Variants in RUNX1 observed in about 807,000 individuals in gnomAD.
RUNX1 encodes the protein RUNX family transcription factor 1, also known as runt-related transcription factor 1.
In RUNX1, 19 loss-of-function variants were observed where a neutral mutation model predicts 42.8. The ratio of observed to expected loss-of-function variants is 0.44; its 90% CI spans 0.31 to 0.65. The LOEUF is 0.65. Ranked by LOEUF, RUNX1 falls within the 30% of genes least tolerant of loss-of-function variation. The probability of loss-of-function intolerance (pLI) is 0.07; values close to 1 mark genes in which losing one functional copy is unlikely to be tolerated. For missense variants in RUNX1, 528 were observed against 672.0 expected, an observed-to-expected ratio of 0.79 and a Z score of 2.37; for synonymous variants, 271 against 289.4, an observed-to-expected ratio of 0.94 and a Z score of 0.64.
chr21:35,048,822 C>A lies in RUNX1; in HGVS notation c.58+20G>T, dbSNP rs374862060. 1 of 1,606,518 alleles carries A rather than the reference C, an allele frequency of 6.2e-7. No individual in the cohort carries two copies. The highest frequency in any genetic ancestry group is 1.3e-5 in the African/African-American group (1 of 74,760). ...CAAAGCTGAGCAAAAGTAGATATTA[C>A]AAGACCAGCATGTACTCACCTCTCA... On this transcript the variant is annotated intron_variant, in intron 2 of 8. Coordinates refer to ENST00000675419, the MANE Select transcript of RUNX1 (RefSeq NM_001754.5).
At chr21:34,810,141 C>T (rs1350069506) in intron 7 of RUNX1, among the ~76,000 whole-genome samples, 2 of 152,244 alleles carry the variant, frequency 1.3e-5, no homozygotes, top group African/African-American at 2.4e-5. Flanking sequence ...AACCCAACCA[C>T]GGGTTTCTCA....
At chr21:35,040,999 A>C (rs1405122019) in intron 2 of RUNX1, among the ~76,000 whole-genome samples, 5 of 152,170 alleles carry the variant, frequency 3.3e-5, no homozygotes. Flanking sequence ...AGCACATGAG[A>C]GCTGATCAAG....
At chr21:34,969,503 G>C (rs941430598) in intron 2 of RUNX1, among the ~76,000 whole-genome samples, 2 of 152,134 alleles carry the variant, frequency 1.3e-5, no homozygotes, top group Non-Finnish European at 2.9e-5. Flanking sequence ...GAACTTTATT[G>C]CTCAGTTTCT....
intron 2 of RUNX1, among the ~76,000 whole-genome samples, chr21:34,910,393 T>C (rs1280981465): frequency 1.4e-5 from 2 of 147,370 alleles, no homozygotes; most frequent in Non-Finnish European, 3.0e-5. Flanking sequence ...GTTTTTTTTT[T>C]TTCTGGTACA....
rs749087000 is a variant in RUNX1 at position 34,792,915 on chromosome 21, G to T, written c.968-305C>A. On this transcript the variant is annotated intron_variant, in intron 8 of 8. Transcript: ENST00000675419. This position sits in a 1 kb window ranked among gnomAD's most constrained non-coding sequence, Gnocchi z 6.9. ...GGACTACCCATGATGCTATGCCCAG[G>T]AGGTCGGGGACCACTCAGGATGCCA... Among the ~76,000 whole-genome samples, 28 of 151,698 alleles carry T rather than the reference G, an allele frequency of 1.8e-4. No homozygotes were observed. Among genetic ancestry groups the T allele is most frequent in the Non-Finnish European group, 4.1e-4 (28 of 67,912 alleles).
rs1290544832 is a variant in RUNX1, at chr21:34,928,596, G to A, written c.59-35633C>T. On this transcript the variant is annotated intron_variant, in intron 2 of 8. Coordinates refer to ENST00000675419, the MANE Select transcript of RUNX1 (RefSeq NM_001754.5). ...GTAAGGAGGCTGAGGCAGGAGAATC[G>A]CTTGTAACCAGAGGTGGAGGTTGCA... 2.0e-5 allele frequency among the ~76,000 whole-genome samples: 3 copies of A among 151,646 alleles called. No individual in the cohort carries two copies. In the South Asian group the frequency reaches 6.2e-4, roughly 32 times the overall value.
chr21:34,921,057 C>A (rs555902440), intron 2 of RUNX1, among the ~76,000 whole-genome samples: 1 of 152,120 alleles, frequency 6.6e-6, no homozygotes, highest in South Asian at 2.1e-4. Flanking sequence ...CGGGGTTTCA[C>A]CATGTTGGCC....
intron 6 of RUNX1, among the ~76,000 whole-genome samples, chr21:34,841,772 T>C (rs1439440071): frequency 6.6e-6 from 1 of 152,192 alleles, no homozygotes; most frequent in East Asian, 1.9e-4. Context: ...TGTCATCTTC[T>C]CCCTGAGGAG....
At chr21:34,948,613 C>A (rs975434466) in intron 2 of RUNX1, among the ~76,000 whole-genome samples, 27 of 152,160 alleles carry the variant, frequency 1.8e-4, no homozygotes, top group Admixed American at 1.8e-3. Flanking sequence ...CTACCCTTCC[C>A]TAATTTCCTA....
chr21:34,930,297 A>ATATATATATGT (rs1569110430), intron 2 of RUNX1, among the ~76,000 whole-genome samples: 14 of 131,038 alleles, frequency 1.1e-4, no homozygotes, highest in African/African-American at 5.1e-4. Context: ...TATATAAATA[A>ATATATATATGT]ATAAATAAAA....
Position 35,020,227 on chromosome 21 carries a change from C to A in RUNX1, c.58+28615G>T, listed in dbSNP as rs568883369. On this transcript the variant is annotated intron_variant, in intron 2 of 8. Transcript: ENST00000675419. ...ATAGAAAGTTTTCATTAGTTCCTCC[C>A]CGACCTTACTTTCCAGAGGACCTGG... is the stretch of plus-strand genomic sequence containing the variant. 2.6e-5 allele frequency among the ~76,000 whole-genome samples: 4 copies of A among 152,108 alleles called. No individual in the cohort carries two copies. The South Asian group carries it at 8.3e-4, about 32-fold the overall frequency.
rs190443104 is a variant in RUNX1 at position 34,918,534 on chromosome 21, T to C, written c.59-25571A>G. 1.8e-3 allele frequency among the ~76,000 whole-genome samples: 269 copies of C among 152,264 alleles called. 2 individuals carry two copies. Among genetic ancestry groups the C allele is most frequent in the Middle Eastern group, 0.014 (4 of 294 alleles). On this transcript the variant is annotated intron_variant, in intron 2 of 8. Transcript: ENST00000675419. ...GCCATGGATGCCCTTGATTTTATTC[T>C]TTGTTAGGAAGGAATATCATGGCTT...
At chr21:34,841,362 T>C (rs963807369) in intron 6 of RUNX1, among the ~76,000 whole-genome samples, 7 of 152,144 alleles carry the variant, frequency 4.6e-5, no homozygotes, top group Non-Finnish European at 8.8e-5. Context: ...CCAGCAGGAA[T>C]AGCAGAGCCT....
At chr21:34,870,317 A>G (rs936980855) in intron 5 of RUNX1, among the ~76,000 whole-genome samples, 2 of 152,332 alleles carry the variant, frequency 1.3e-5, no homozygotes, top group African/African-American at 4.8e-5. Flanking sequence ...ATCAATCCTC[A>G]TTGTCCCTCT....
chr21:34,988,754 C>T (rs868444817), intron 2 of RUNX1, among the ~76,000 whole-genome samples: 4 of 152,172 alleles, frequency 2.6e-5, no homozygotes. Flanking sequence ...TGGTCTCCTC[C>T]GGCACCCATA....
At chr21:34,839,602 A>G (rs2057201991) in intron 6 of RUNX1, among the ~76,000 whole-genome samples, 1 of 152,176 alleles carries the variant, frequency 6.6e-6, no homozygotes. Context: ...AGACAGCCCC[A>G]GCCACACTGT....
At position 34,787,847 on chromosome 21, in the gene RUNX1, T is replaced by C. The variant is rs1568996614; in HGVS notation, c.*4288A>G. The stretch of plus-strand genomic sequence containing the variant: ...ACTGTTTATTTGCCATTCACACTGA[T>C]TGTAACACTGGATTTACAGAAGAAA... On this transcript the variant is annotated 3_prime_UTR_variant, in exon 9 of 9. Coordinates refer to ENST00000675419, the MANE Select transcript of RUNX1 (RefSeq NM_001754.5). The C allele has an allele frequency of 4.3e-6, 1 of 233,130 alleles. No individual in the cohort carries two copies. The highest frequency in any genetic ancestry group is 6.0e-5 in the East Asian group (1 of 16,562). 14.4% of individuals were successfully genotyped at this position (233,130 alleles called of 1,614,324 possible).
chr21:34,809,332 G>A (rs1315741184), intron 7 of RUNX1, among the ~76,000 whole-genome samples: 1 of 152,054 alleles, frequency 6.6e-6, no homozygotes, highest in African/African-American at 2.4e-5. Flanking sequence ...ACATGAGCCA[G>A]AAATATTGTG....
At chr21:34,997,227 TTAAAAG>T (rs1161833495) in intron 2 of RUNX1, among the ~76,000 whole-genome samples, 2 of 152,254 alleles carry the variant, frequency 1.3e-5, no homozygotes, top group Non-Finnish European at 1.5e-5. Context: ...ATCCTAGCAC[TTAAAAG>T]TAAAAGAAAC....
Sources: allele counts gnomAD v4.1 joint callset (sites outside exome capture counted in the v4.1 genomes callset), GRCh38; gene constraint gnomAD v4.1.1; non-coding constraint Gnocchi (gnomAD v3.1); transcripts MANE v1.5; gene names NCBI Gene and HGNC (gene_info 2026-07-23, HGNC 2026-07-21).